The following GPR89B variants were observed in gnomAD, a reference collection of about 807,000 sequenced individuals.
GPR89B encodes golgi pH regulator B.
A neutral mutation model predicts 52.4 loss-of-function variants in GPR89B; 25 were observed. The observed-to-expected ratio is 0.48, with a 90% CI of 0.35 to 0.67. The LOEUF is 0.67. GPR89B is among the 30% of genes least tolerant of loss of function. GPR89B has a pLI of 0.01. For missense variants in GPR89B, 146 were observed against 450.2 expected, an observed-to-expected ratio of 0.32 and a Z score of 6.11; for synonymous variants, 52 against 151.2, an observed-to-expected ratio of 0.34 and a Z score of 4.81.
At chr1:148,000,844 G>A in the GPR89B span, among the ~76,000 whole-genome samples, 1 of 142,856 alleles carries the variant, frequency 7.0e-6, no homozygotes, top group Non-Finnish European at 1.5e-5. Context: ...TTATGATAAA[G>A]AGCTGTTAAG....
intron 1 of GPR89B, among the ~76,000 whole-genome samples, chr1:147,930,172 T>C (rs4282869): frequency 3.9e-5 from 6 of 152,226 alleles, no homozygotes; most frequent in African/African-American, 1.4e-4. Flanking sequence ...CATGTATCCA[T>C]ATGCAGTAAT....
intron 3 of GPR89B, among the ~76,000 whole-genome samples, chr1:147,940,062 A>G (rs1424066816): frequency 6.6e-6 from 1 of 151,832 alleles, no homozygotes; most frequent in Non-Finnish European, 1.5e-5. Flanking sequence ...AACATGTATT[A>G]TGGTAAAATA....
the GPR89B span, among the ~76,000 whole-genome samples, chr1:148,001,002 AT>A: frequency 1.0e-5 from 1 of 97,056 alleles, no homozygotes; most frequent in Non-Finnish European, 2.0e-5. Flanking sequence ...TTAAAATCTA[AT>A]TGTTTCCTAT....
chr1:147,937,335 C>T (rs1654174963), intron 2 of GPR89B, among the ~76,000 whole-genome samples: 1 of 152,072 alleles, frequency 6.6e-6, no homozygotes, highest in Non-Finnish European at 1.5e-5. Flanking sequence ...AATCACAAAG[C>T]AGAGGCAAAA....
At chr1:147,977,189 A>G (rs1657897088) in intron 10 of GPR89B, among the ~76,000 whole-genome samples, 1 of 128,974 alleles carries the variant, frequency 7.8e-6, no homozygotes, top group South Asian at 2.7e-4. Context: ...AGCCGAGACT[A>G]TGCCACTGCA....
At chr1:147,939,939 A>G (rs2149040617) in intron 3 of GPR89B, among the ~76,000 whole-genome samples, 1 of 151,826 alleles carries the variant, frequency 6.6e-6, no homozygotes, top group South Asian at 2.1e-4. Context: ...GTTTGAGGAT[A>G]TGCGGTGAGC....
At chr1:148,025,135 A>G in the GPR89B span, among the ~76,000 whole-genome samples, 4 of 151,856 alleles carry the variant, frequency 2.6e-5, no homozygotes, top group African/African-American at 9.7e-5. Flanking sequence ...AAATTGCACA[A>G]TTTTAATCCT....
At chr1:147,950,538 G>A (rs1421249992) in intron 5 of GPR89B, among the ~76,000 whole-genome samples, 6 of 152,150 alleles carry the variant, frequency 3.9e-5, no homozygotes, top group African/African-American at 1.2e-4. Flanking sequence ...GGGTGGCGCC[G>A]GGCAGAGGCT....
chr1:147,942,612 T>C (rs1288893076), intron 3 of GPR89B, among the ~76,000 whole-genome samples: 1 of 149,808 alleles, frequency 6.7e-6, no homozygotes, highest in African/African-American at 2.5e-5. Context: ...ATGGGATGAA[T>C]ATTGTTCAAC....
the GPR89B span, among the ~76,000 whole-genome samples, chr1:148,025,305 G>C: frequency 1.6e-4 from 24 of 151,920 alleles, no homozygotes; most frequent in Non-Finnish European, 2.8e-4. Context: ...TAGCAGCCTT[G>C]CTAACAACTT....
chr1:148,017,803 A>G, the GPR89B span, among the ~76,000 whole-genome samples: 1 of 150,632 alleles, frequency 6.6e-6, no homozygotes, highest in Non-Finnish European at 1.5e-5. Flanking sequence ...CCCCCAAAGA[A>G]CAATGTGTGT....
intron 1 of GPR89B, among the ~76,000 whole-genome samples, chr1:147,935,194 A>G (rs587706168): frequency 6.6e-6 from 1 of 152,186 alleles, no homozygotes; most frequent in African/African-American, 2.4e-5. Context: ...TAACTGGGAG[A>G]GGGCTAGAGA....
At chr1:147,951,417 G>A (rs1267273293) in intron 5 of GPR89B, among the ~76,000 whole-genome samples, 1 of 152,072 alleles carries the variant, frequency 6.6e-6, no homozygotes, top group African/African-American at 2.4e-5. Flanking sequence ...ATTGCAGTCA[G>A]TTAAGGAATG....
intron 7 of GPR89B, among the ~76,000 whole-genome samples, chr1:147,959,222 G>A (rs1440640560): frequency 1.2e-4 from 18 of 149,752 alleles, no homozygotes; most frequent in Admixed American, 4.6e-4. Flanking sequence ...GGAACAGTGA[G>A]GGAAAAAATG....
At position 147,992,569 on chromosome 1, in the gene GPR89B, TA is replaced by T. The variant is rs1659146336; in HGVS notation, c.1161+4del. 6.2e-7 allele frequency: 1 copy of T among 1,611,650 alleles called. No individual in the cohort carries two copies. The highest frequency in any genetic ancestry group is 8.5e-7 in the Non-Finnish European group (1 of 1,179,682). On this transcript the variant is annotated splice_donor_region_variant and intron_variant, in intron 13 of 13. Transcript: ENST00000314163. Reference sequence around the variant, plus strand: ...GTCCTGCTATTAGCACAGATAATGGTAAGTTTAATTAGTTACCTTTATGTTG... The same window carrying T: ...GTCCTGCTATTAGCACAGATAATGGTAGTTTAATTAGTTACCTTTATGTTG...
chr1:147,970,527 CTCTCTCTA>C (rs1215509755), intron 10 of GPR89B, among the ~76,000 whole-genome samples: 41 of 140,106 alleles, frequency 2.9e-4, no homozygotes, highest in Non-Finnish European at 5.6e-4. Context: ...CTCTCTCTCT[CTCTCTCTA>C]TCTCTATCTC....
chr1:147,991,724 G>A (rs1659085826), intron 12 of GPR89B, among the ~76,000 whole-genome samples: 2 of 152,046 alleles, frequency 1.3e-5, no homozygotes, highest in African/African-American at 4.8e-5. Flanking sequence ...TTTGTCTTTG[G>A]TTCTGTTTAT....
intron 10 of GPR89B, among the ~76,000 whole-genome samples, chr1:147,981,222 CTT>C (rs1658222975): frequency 6.9e-6 from 1 of 144,820 alleles, no homozygotes; most frequent in East Asian, 2.1e-4. Context: ...AATCCCAACA[CTT>C]TGGGAGGCTG....
intron 5 of GPR89B, among the ~76,000 whole-genome samples, chr1:147,952,883 A>G (rs1655829544): frequency 6.6e-6 from 1 of 151,132 alleles, no homozygotes; most frequent in East Asian, 1.9e-4. Flanking sequence ...GATGCAAAAA[A>G]GAATAAGACA....
Sources: gnomAD v4.1 joint callset for allele counts (sites outside exome capture counted in the v4.1 genomes callset) on GRCh38, gnomAD v4.1.1 for gene constraint, MANE v1.5 for transcripts, NCBI Gene and HGNC (gene_info 2026-07-23, HGNC 2026-07-21) for gene names.